The following MICALL2 variants were observed in gnomAD, a reference collection of about 807,000 sequenced individuals.
The protein encoded by MICALL2 is MICAL-like protein 2.
In MICALL2, 111 loss-of-function variants were observed where a neutral mutation model predicts 91.1. The ratio of observed to expected loss-of-function variants is 1.22; its 90% CI spans 1.04 to 1.43. The LOEUF is 1.43. MICALL2 is among the 40% of genes most tolerant of loss of function. The probability of loss-of-function intolerance (pLI) is 0.00; values close to 1 mark genes in which losing one functional copy is unlikely to be tolerated. For missense variants in MICALL2, 1,556 were observed against 1,236.0 expected (o/e 1.26, Z -3.88); for synonymous variants, 694 against 525.3 (o/e 1.32, Z -4.39).
At chr7:1,444,584 G>C (rs1252255337) in intron 6 of MICALL2, 68 bp downstream of exon 6, 2 of 1,483,104 alleles carry the variant, frequency 1.3e-6, no homozygotes, top group Non-Finnish European at 1.8e-6. Flanking sequence ...AACCCCTCTG[G>C]CCTCCGGGGC....
Position 1,436,954 on chromosome 7 carries a change from G to A in MICALL2, c.2477-98C>T, listed in dbSNP as rs938137812. ...CACCCAAGCGCCAGGCTCCTCTTTT[G>A]GAGGAAGAAGGTGGGGTCTTGGGGG... is the stretch of plus-strand genomic sequence containing the variant. On this transcript the variant is annotated intron_variant, in intron 14 of 16. Transcript: ENST00000297508. 4.9e-5 allele frequency: 42 copies of A among 860,806 alleles called. No homozygotes were observed. In the African/African-American group the frequency reaches 6.5e-4, roughly 13 times the overall value. The allele number at this position is 860,806 out of a possible 1,614,324, so 53.3% of individuals were successfully genotyped here. A position where few individuals can be genotyped will look rare whatever the true frequency, so the allele number is the denominator to read the frequency against.
Position 1,437,875 on chromosome 7 carries a change from C to A in MICALL2, c.2402+15G>T, listed in dbSNP as rs1440411182. ...GTCCTGGCCTTCGAGGAGGGGCCCA[C>A]GGCTGGGCTCTCACTTGTACATCAG... On this transcript the variant is annotated intron_variant, in intron 13 of 16. Coordinates refer to ENST00000297508, the MANE Select transcript of MICALL2 (RefSeq NM_182924.4). 1 of 1,547,348 alleles carries A rather than the reference C, an allele frequency of 6.5e-7. No homozygotes were observed. Among genetic ancestry groups the A allele is most frequent in the Non-Finnish European group, 8.7e-7 (1 of 1,145,594 alleles).
At chr7:1,455,759 C>T (rs543118505) in intron 1 of MICALL2, among the ~76,000 whole-genome samples, 7 of 152,050 alleles carry the variant, frequency 4.6e-5, no homozygotes, top group South Asian at 2.1e-4. Flanking sequence ...GTGCTCTCTG[C>T]GTGCAGCAGG....
rs943576036 is a variant in MICALL2 at position 1,449,247 on chromosome 7, G to C, written c.193-486C>G. Among the ~76,000 whole-genome samples the C allele has an allele frequency of 5.9e-5, 9 of 152,288 alleles. No homozygotes were observed. The East Asian group carries it at 1.7e-3, about 29-fold the overall frequency. ...GTCCAGCCCAGCAGCCGCCGGCCAGGCATGGCTGTGAGCATGGGAAGTGTG... is the reference window on the plus strand; with the variant it reads ...GTCCAGCCCAGCAGCCGCCGGCCAGCCATGGCTGTGAGCATGGGAAGTGTG... On this transcript the variant is annotated intron_variant, in intron 2 of 16. Coordinates refer to ENST00000297508, the MANE Select transcript of MICALL2 (RefSeq NM_182924.4).
Position 1,448,764 on chromosome 7 carries a change from G to A in MICALL2, c.193-3C>T, listed in dbSNP as rs766698154. 1.9e-6 allele frequency: 3 copies of A among 1,612,460 alleles called. No homozygotes were observed. Among genetic ancestry groups the A allele is most frequent in the Non-Finnish European group, 2.5e-6 (3 of 1,179,822 alleles). ...TGCTCCTCGGCCACGCGGAAGGCCT[G>A]CGAAAGGTGGGAGGGGGTCAGCGGG... On this transcript the variant is annotated splice_region_variant and splice_polypyrimidine_tract_variant and intron_variant, in intron 2 of 16. Transcript: ENST00000297508.
intron 8 of MICALL2, 96 bp downstream of exon 8, chr7:1,440,495 C>A: frequency 1.8e-6 from 2 of 1,113,074 alleles, no homozygotes; most frequent in East Asian, 2.4e-5. Flanking sequence ...GCGTCTATCC[C>A]TGGATAGGCG....
chr7:1,446,757 C>A lies in MICALL2; in HGVS notation c.597G>T (p.Gln199His). The change falls in exon 5 of 17, where the codon CAG becomes CAT. Residue 199 changes from glutamine (Q) to histidine (H), a missense_variant. By Grantham distance (24) the Gln-to-His change is conservative. Coordinates refer to ENST00000297508, the MANE Select transcript of MICALL2 (RefSeq NM_182924.4). ...AAAGCCTCCCGTCGGCCAGGTGCCGCTGTACCAGGTGCACGTGCTTGCCGC... is the reference window on the plus strand; with the variant it reads ...AAAGCCTCCCGTCGGCCAGGTGCCGATGTACCAGGTGCACGTGCTTGCCGC... Reference protein sequence around the residue: ...GVCGKHVHLVQRHLADGRLYH... With the variant: ...GVCGKHVHLVHRHLADGRLYH... 6.2e-7 allele frequency: 1 copy of A among 1,608,300 alleles called. No individual in the cohort carries two copies. The highest frequency in any genetic ancestry group is 1.1e-5 in the South Asian group (1 of 90,404).
At chr7:1,450,595 G>A (rs751665616) in intron 1 of MICALL2, 20 of 362,852 alleles carry the variant, frequency 5.5e-5, no homozygotes, top group Non-Finnish European at 6.3e-5. Context: ...AGGCCTGGGA[G>A]GTGAGGTCAC....
rs1562449360 is a variant in MICALL2, at chr7:1,438,998, G to GC, written c.1967-4dup. The GC allele has an allele frequency of 2.2e-5, 35 of 1,589,772 alleles. No homozygotes were observed. Among genetic ancestry groups the GC allele is most frequent in the Non-Finnish European group, 2.9e-5 (34 of 1,173,312 alleles). On this transcript the variant is annotated splice_region_variant and splice_polypyrimidine_tract_variant and intron_variant, in intron 9 of 16. Coordinates refer to ENST00000297508, the MANE Select transcript of MICALL2 (RefSeq NM_182924.4). ...GCGGGGTGGGGAGGGGGACCTGGCT[G>GC]CCCCCAGGTGGGGAGACAGAGCCAC... is the stretch of plus-strand genomic sequence containing the variant.
intron 6 of MICALL2, among the ~76,000 whole-genome samples, chr7:1,442,720 G>A (rs541827465): frequency 1.0e-3 from 158 of 151,578 alleles, no homozygotes; most frequent in African/African-American, 3.1e-3. Context: ...CGCTCCCAAT[G>A]ACCACCCTGG....
At position 1,440,594 on chromosome 7, in the gene MICALL2, T is replaced by C. The variant is rs778614438; in HGVS notation, c.1802A>G (p.Glu601Gly). Residue 601 changes from glutamate (E) to glycine (G), a missense_variant, in exon 8 of 17, where the codon GAG becomes GGG. Glu to Gly is a moderately conservative substitution (Grantham distance 98, BLOSUM62 -2). Coordinates refer to ENST00000297508, the MANE Select transcript of MICALL2 (RefSeq NM_182924.4). ...LKPVDRRSPAERTLKPKEPRA... is the reference protein window; with the variant it reads ...LKPVDRRSPAGRTLKPKEPRA... ...GCCAGCCCCACCCATCCCTAACCTC[T>C]CAGCTGGGCTTCTCCTGTCCACGGG... 5 of 1,612,474 alleles carry C rather than the reference T, an allele frequency of 3.1e-6. No homozygotes were observed. The highest frequency in any genetic ancestry group is 4.2e-6 in the Non-Finnish European group (5 of 1,179,818).
chr7:1,444,413 G>A (rs912917049), intron 6 of MICALL2, among the ~76,000 whole-genome samples: 4 of 152,260 alleles, frequency 2.6e-5, no homozygotes, highest in African/African-American at 4.8e-5. Context: ...ATGACGCCCC[G>A]AGCACATGCG....
intron 9 of MICALL2, chr7:1,439,645 C>G (rs767878846): frequency 1.6e-5 from 6 of 366,520 alleles, no homozygotes; most frequent in Non-Finnish European, 2.9e-5. Flanking sequence ...ACATGCATCA[C>G]GTGCACATGC....
At chr7:1,434,945 C>A (rs1216387690) in intron 16 of MICALL2, 156 bp downstream of exon 16, 2 of 861,640 alleles carry the variant, frequency 2.3e-6, no homozygotes, top group Admixed American at 4.3e-5. Flanking sequence ...GGTGAACCTG[C>A]CTGTCCTGTC....
rs1779858631 is a variant in MICALL2 at position 1,434,484 on chromosome 7, C to G, written c.*112G>C. 1.0e-6 allele frequency: 1 copy of G among 963,224 alleles called. No homozygotes were observed. Among genetic ancestry groups the G allele is most frequent in the Non-Finnish European group, 1.7e-6 (1 of 597,464 alleles). 59.7% of individuals were successfully genotyped at this position (963,224 alleles called of 1,614,324 possible). The stretch of plus-strand genomic sequence containing the variant: ...TCCAAGTCCGAATGCCGGGTCCGGG[C>G]CGAGCCCACGGCCCCGAGTACAAGT... On this transcript the variant is annotated 3_prime_UTR_variant, in exon 17 of 17. Transcript: ENST00000297508.
chr7:1,450,651 C>T (rs545828938), intron 1 of MICALL2: 18 of 213,736 alleles, frequency 8.4e-5, no homozygotes, highest in Non-Finnish European at 1.4e-4. Context: ...GGGGCTCTTC[C>T]CATCACAACG....
rs754083003 is a variant in MICALL2, at chr7:1,440,037, C to T, written c.1854G>A (p.Gly618=). The change falls in exon 9 of 17, where the codon GGG becomes GGA. Residue 618 remains glycine (G), a synonymous_variant. Transcript: ENST00000297508. ...TGCCTGAGACCTTCCTGGGGGCCTC[C>T]CCCGCCCTCGGCTCTGCCAGGGCCC... ...EPRALAEPRA[G]EAPRKVSGSF... is the part of the protein sequence containing the mutation. 16 of 1,582,090 alleles carry T rather than the reference C, an allele frequency of 1.0e-5. No individual in the cohort carries two copies. In the South Asian group the frequency reaches 1.5e-4, roughly 15 times the overall value.
intron 1 of MICALL2, among the ~76,000 whole-genome samples, chr7:1,455,320 T>C (rs1304278381): frequency 6.6e-6 from 1 of 152,180 alleles, no homozygotes; most frequent in Non-Finnish European, 1.5e-5. Flanking sequence ...GGGTGGTTTC[T>C]GAGCTCACCT....
chr7:1,438,468 T>G (rs1780095208), intron 10 of MICALL2, 115 bp from the exon 11 acceptor site: 1 of 1,492,080 alleles, frequency 6.7e-7, no homozygotes, highest in Admixed American at 2.1e-5. Flanking sequence ...CAGCCCTGCC[T>G]CCCTAATGCC....
Sources: gnomAD v4.1 joint callset for allele counts (sites outside exome capture counted in the v4.1 genomes callset) on GRCh38, gnomAD v4.1.1 for gene constraint, MANE v1.5 for transcripts, NCBI Gene and HGNC (gene_info 2026-07-23, HGNC 2026-07-21) for gene names.